CLIC2: variants seen among roughly 807,000 people sequenced by gnomAD.
The protein encoded by CLIC2 is chloride intracellular channel protein 2.
CLIC2 carries 9 observed loss-of-function variants against 14.8 expected under a neutral mutation model. The observed-to-expected ratio is 0.61, with a 90% CI of 0.37 to 1.06. The LOEUF (loss-of-function observed/expected upper bound fraction) is 1.06, where lower values mean the gene tolerates loss of function less well. Among genes scored for constraint, CLIC2 ranks in the 50% least tolerant of loss-of-function variants. CLIC2 has a pLI of 0.01. For missense variants in CLIC2, 148 were observed against 181.4 expected, an observed-to-expected ratio of 0.82 and a Z score of 1.06; for synonymous variants, 61 against 66.3, an observed-to-expected ratio of 0.92 and a Z score of 0.39.
intron 1 of CLIC2, among the ~76,000 whole-genome samples, chrX:155,305,345 C>T (rs1341887693): frequency 8.9e-6 from 1 of 112,234 alleles, no homozygotes; most frequent in Non-Finnish European, 1.9e-5. Context: ...TTCCAGGTGC[C>T]ATCTGTCACC....
intron 1 of CLIC2, among the ~76,000 whole-genome samples, chrX:155,310,912 C>G (rs1557320505): frequency 1.8e-5 from 2 of 112,652 alleles, no homozygotes; most frequent in Admixed American, 9.4e-5. Flanking sequence ...ACAGCCTGAG[C>G]TATACTTTGG....
chrX:155,300,036 T>C (rs1327740765), intron 1 of CLIC2, among the ~76,000 whole-genome samples: 1 of 109,129 alleles, frequency 9.2e-6, no homozygotes, highest in African/African-American at 3.3e-5. Flanking sequence ...GCAATAAACA[T>C]ACGTGTGCAT....
At chrX:155,331,003 T>G (rs782783931) in intron 1 of CLIC2, among the ~76,000 whole-genome samples, 1 of 111,372 alleles carries the variant, frequency 9.0e-6, no homozygotes, top group South Asian at 3.8e-4. Context: ...TGACAAAATT[T>G]TCTTTCCCTG....
chrX:155,277,763 G>T lies in CLIC2; in HGVS notation c.*140C>A, dbSNP rs1297367252. The T allele has an allele frequency of 1.9e-6, 1 of 523,546 alleles. No individual in the cohort carries two copies. The highest frequency in any genetic ancestry group is 2.4e-5 in the African/African-American group (1 of 42,309). The allele number at this position is 523,546 out of a possible 1,213,427, so 43.1% of individuals were successfully genotyped here. A position where few individuals can be genotyped will look rare whatever the true frequency, so the allele number is the denominator to read the frequency against. ...GTGGACAGATTATTTATGGCTAATA[G>T]AAAATACAGAGTTCCTTTTCATAAG... On this transcript the variant is annotated 3_prime_UTR_variant, in exon 6 of 6. Coordinates refer to ENST00000369449, the MANE Select transcript of CLIC2 (RefSeq NM_001289.6).
At chrX:155,313,797 G>C (rs2075083628) in intron 1 of CLIC2, among the ~76,000 whole-genome samples, 1 of 111,810 alleles carries the variant, frequency 8.9e-6, no homozygotes, top group East Asian at 2.8e-4. Context: ...CAAGTTCTCA[G>C]CCTTGATCAC....
intron 3 of CLIC2, among the ~76,000 whole-genome samples, chrX:155,286,001 T>A (rs1557317052): frequency 9.1e-6 from 1 of 110,299 alleles, no homozygotes; most frequent in Admixed American, 9.6e-5. Flanking sequence ...TTATTTTAGT[T>A]TCGGATACAT....
chrX:155,310,257 G>T, intron 1 of CLIC2: 1 of 144,238 alleles, frequency 6.9e-6, no homozygotes, highest in Non-Finnish European at 1.4e-5. Context: ...ATAAGGTTTA[G>T]CTTAGGTGTC....
At chrX:155,292,451 A>T in intron 3 of CLIC2, 1 of 607,494 alleles carries the variant, frequency 1.6e-6, no homozygotes, top group Admixed American at 2.3e-5. Flanking sequence ...CCCAAATGTA[A>T]CAACAGAATA....
intron 1 of CLIC2, among the ~76,000 whole-genome samples, chrX:155,323,144 A>C (rs1323646694): frequency 8.9e-6 from 1 of 111,830 alleles, no homozygotes; most frequent in Non-Finnish European, 1.9e-5. Flanking sequence ...TATTCCAAAC[A>C]ATAGAAAAAG....
chrX:155,330,606 T>C (rs1569561411), intron 1 of CLIC2, among the ~76,000 whole-genome samples: 3 of 111,732 alleles, frequency 2.7e-5, no homozygotes, highest in Non-Finnish European at 5.7e-5. Flanking sequence ...GTACAACTGC[T>C]TTTTAAAGTA....
At chrX:155,325,157 G>A (rs2075131483) in intron 1 of CLIC2, among the ~76,000 whole-genome samples, 1 of 112,114 alleles carries the variant, frequency 8.9e-6, no homozygotes. Flanking sequence ...TACACTGTTA[G>A]TAGGAATGTC....
chrX:155,291,816 C>T (rs2074966201), intron 3 of CLIC2, among the ~76,000 whole-genome samples: 1 of 112,033 alleles, frequency 8.9e-6, no homozygotes. Context: ...AGTGCTAATG[C>T]CTAGTATTAC....
At chrX:155,283,410 T>C (rs1557316735) in intron 3 of CLIC2, among the ~76,000 whole-genome samples, 1 of 111,946 alleles carries the variant, frequency 8.9e-6, no homozygotes, top group Non-Finnish European at 1.9e-5. Context: ...TCGTATTTCT[T>C]CTATGCAATG....
chrX:155,331,371 A>G, intron 1 of CLIC2, among the ~76,000 whole-genome samples: 1 of 111,322 alleles, frequency 9.0e-6, no homozygotes, highest in Non-Finnish European at 1.9e-5. Flanking sequence ...TTTAGGATAT[A>G]AATTCGCTAG....
chrX:155,297,344 T>C (rs1467874063), intron 3 of CLIC2, among the ~76,000 whole-genome samples: 1 of 110,364 alleles, frequency 9.1e-6, no homozygotes, highest in Non-Finnish European at 1.9e-5. Flanking sequence ...TGAAGAGAAG[T>C]GTGTTAAAAA....
chrX:155,319,491 G>A (rs782465639), intron 1 of CLIC2, among the ~76,000 whole-genome samples: 1 of 112,230 alleles, frequency 8.9e-6, no homozygotes, highest in Non-Finnish European at 1.9e-5. Context: ...GGGAAGCCTT[G>A]AAGGACTGTG....
intron 1 of CLIC2, among the ~76,000 whole-genome samples, chrX:155,316,175 T>C (rs782804385): frequency 2.7e-5 from 3 of 111,682 alleles, no homozygotes; most frequent in African/African-American, 9.7e-5. Context: ...TGGGGGACTT[T>C]AAGACTCTAC....
At chrX:155,326,682 A>T (rs1557322367) in intron 1 of CLIC2, among the ~76,000 whole-genome samples, 2 of 111,497 alleles carry the variant, frequency 1.8e-5, no homozygotes, top group Non-Finnish European at 3.8e-5. Flanking sequence ...GACAACCAAA[A>T]TGTCCTTCAA....
At chrX:155,334,314 C>A in intron 1 of CLIC2, 57 bp downstream of exon 1, 2 of 926,629 alleles carry the variant, frequency 2.2e-6, no homozygotes, top group Non-Finnish European at 3.1e-6. Flanking sequence ...AGACATTGGA[C>A]TTCAGTGTCA....
Sources: allele counts gnomAD v4.1 joint callset (sites outside exome capture counted in the v4.1 genomes callset), GRCh38; gene constraint gnomAD v4.1.1; transcripts MANE v1.5; gene names NCBI Gene and HGNC (gene_info 2026-07-23, HGNC 2026-07-21).